The following HS3ST4 variants were observed in gnomAD, a reference collection of about 807,000 sequenced individuals.
The protein encoded by HS3ST4 is heparan sulfate-glucosamine 3-sulfotransferase 4.
A neutral mutation model predicts 29.2 loss-of-function variants in HS3ST4; 17 were observed. The observed-to-expected ratio is 0.58, with a 90% CI of 0.40 to 0.87. The LOEUF is 0.87. HS3ST4 is among the 40% of genes least tolerant of loss of function. The pLI is 0.00. For missense variants in HS3ST4, 627 were observed against 634.5 expected (o/e 0.99, Z 0.13); for synonymous variants, 314 against 285.7 (o/e 1.10, Z -1.00).
At chr16:26,015,869 AC>A (rs1969357958) in intron 1 of HS3ST4, among the ~76,000 whole-genome samples, 1 of 152,132 alleles carries the variant, frequency 6.6e-6, no homozygotes, top group African/African-American at 2.4e-5. Flanking sequence ...ATACTTTTTA[AC>A]TAGGAGTGAT....
chr16:25,926,970 G>C (rs1968410041), intron 1 of HS3ST4, among the ~76,000 whole-genome samples: 1 of 152,132 alleles, frequency 6.6e-6, no homozygotes, highest in South Asian at 2.1e-4. Context: ...TTAAGGTCAG[G>C]AGAATTGCTT....
rs577912208 is a variant in HS3ST4 at position 25,914,226 on chromosome 16, G to A, written c.734+221075G>A. ...TGTGTGTAGGGTGTGGTGTGTGTAA[G>A]GGGTATGTAAGTGATGTGGTATATG... On this transcript the variant is annotated intron_variant, in intron 1 of 1. Coordinates refer to ENST00000331351, the MANE Select transcript of HS3ST4 (RefSeq NM_006040.3). 6.0e-5 allele frequency among the ~76,000 whole-genome samples: 9 copies of A among 149,312 alleles called. No homozygotes were observed. The East Asian group carries it at 1.0e-3, about 17-fold the overall frequency.
At chr16:25,879,444 A>G (rs1042273676) in intron 1 of HS3ST4, among the ~76,000 whole-genome samples, 1 of 152,124 alleles carries the variant, frequency 6.6e-6, no homozygotes, top group Non-Finnish European at 1.5e-5. Flanking sequence ...AGAAGGTGAA[A>G]GGCACGTCTC....
intron 1 of HS3ST4, among the ~76,000 whole-genome samples, chr16:25,893,493 CA>C (rs1968030780): frequency 6.6e-6 from 1 of 152,200 alleles, no homozygotes; most frequent in Non-Finnish European, 1.5e-5. Context: ...CCTTGTGTCA[CA>C]TGCAAATTCA....
chr16:26,088,474 G>A (rs4332750), intron 1 of HS3ST4, among the ~76,000 whole-genome samples: 81,177 of 151,978 alleles, frequency 0.53, 22,494 homozygotes, highest in African/African-American at 0.67. Flanking sequence ...TTGTGGTAAT[G>A]TATAGTTGGT....
intron 1 of HS3ST4, among the ~76,000 whole-genome samples, chr16:25,726,821 G>C (rs992920722): frequency 4.6e-5 from 7 of 152,172 alleles, no homozygotes; most frequent in African/African-American, 1.7e-4. Flanking sequence ...CATGCAACGT[G>C]CTCTGTAGGT....
chr16:26,119,968 G>A (rs949749768), intron 1 of HS3ST4, among the ~76,000 whole-genome samples: 1 of 152,102 alleles, frequency 6.6e-6, no homozygotes, highest in Non-Finnish European at 1.5e-5. Context: ...GGGTTCTTGG[G>A]GTGGGGGATT....
intron 1 of HS3ST4, among the ~76,000 whole-genome samples, chr16:25,916,722 C>A (rs1968297143): frequency 6.7e-6 from 1 of 148,906 alleles, no homozygotes. Context: ...CGCTGTCCCC[C>A]AGGCTGGAGT....
intron 1 of HS3ST4, among the ~76,000 whole-genome samples, chr16:25,942,050 A>G (rs1968577445): frequency 1.3e-5 from 2 of 152,188 alleles, no homozygotes; most frequent in Non-Finnish European, 2.9e-5. Flanking sequence ...GAATTAGCTC[A>G]TTTAATGTAG....
At chr16:25,839,907 A>G (rs912659899) in intron 1 of HS3ST4, among the ~76,000 whole-genome samples, 1 of 152,214 alleles carries the variant, frequency 6.6e-6, no homozygotes, top group Non-Finnish European at 1.5e-5. Context: ...CTTTGCTGAA[A>G]AAAGGTTAAC....
At chr16:25,928,025 C>T (rs1482520645) in intron 1 of HS3ST4, among the ~76,000 whole-genome samples, 1 of 139,372 alleles carries the variant, frequency 7.2e-6, no homozygotes, top group African/African-American at 2.8e-5. Flanking sequence ...GTGGAGATAC[C>T]CCATCTCGAC....
At chr16:25,774,771 G>T (rs1324359846) in intron 1 of HS3ST4, among the ~76,000 whole-genome samples, 3 of 152,192 alleles carry the variant, frequency 2.0e-5, no homozygotes, top group Non-Finnish European at 4.4e-5. Flanking sequence ...GTACCTACAT[G>T]ATCTATTAGT....
chr16:25,787,703 T>C (rs1966859672), intron 1 of HS3ST4, among the ~76,000 whole-genome samples: 1 of 152,160 alleles, frequency 6.6e-6, no homozygotes, highest in Admixed American at 6.5e-5. Context: ...GGTGGAAGTA[T>C]CGCTTGAGCT....
intron 1 of HS3ST4, among the ~76,000 whole-genome samples, chr16:25,849,546 C>G (rs993007724): frequency 1.3e-5 from 2 of 152,148 alleles, no homozygotes; most frequent in African/African-American, 4.8e-5. Flanking sequence ...ATCACCTAGG[C>G]TAGTCACCTA....
At chr16:25,694,829 G>A (rs1966282096) in intron 1 of HS3ST4, among the ~76,000 whole-genome samples, 1 of 151,912 alleles carries the variant, frequency 6.6e-6, no homozygotes, top group South Asian at 2.1e-4. Flanking sequence ...CCTTCAGGGA[G>A]GCAGAAAGAT....
chr16:25,757,924 G>A lies in HS3ST4; in HGVS notation c.734+64773G>A, dbSNP rs116824972. ...TTTAGAATTTATGTTCCTGGGTTGGGCCTTTGAATGGAAGGTAACTTTAGT... is the reference window on the plus strand; with the variant it reads ...TTTAGAATTTATGTTCCTGGGTTGGACCTTTGAATGGAAGGTAACTTTAGT... On this transcript the variant is annotated intron_variant, in intron 1 of 1. Transcript: ENST00000331351. Among the ~76,000 whole-genome samples, 715 of 152,150 alleles carry A rather than the reference G, an allele frequency of 4.7e-3. 2 individuals carry two copies. Among genetic ancestry groups the A allele is most frequent in the African/African-American group, 0.016 (667 of 41,520 alleles).
intron 1 of HS3ST4, among the ~76,000 whole-genome samples, chr16:26,064,795 T>C (rs954278628): frequency 2.6e-5 from 4 of 152,048 alleles, no homozygotes; most frequent in Non-Finnish European, 5.9e-5. Flanking sequence ...TTTTGTATTT[T>C]TCTTGGAGAC....
chr16:25,808,828 C>A (rs779632194), intron 1 of HS3ST4, among the ~76,000 whole-genome samples: 15 of 136,034 alleles, frequency 1.1e-4, no homozygotes, highest in African/African-American at 1.5e-4. Context: ...AGATACTATA[C>A]CTATTAAGCT....
chr16:26,010,403 G>A (rs1037032747), intron 1 of HS3ST4, among the ~76,000 whole-genome samples: 5 of 151,596 alleles, frequency 3.3e-5, no homozygotes, highest in Non-Finnish European at 7.4e-5. Flanking sequence ...ACGGTGAGCC[G>A]AGATCACGCC....
Sources: gnomAD v4.1 joint callset for allele counts (sites outside exome capture counted in the v4.1 genomes callset) on GRCh38, gnomAD v4.1.1 for gene constraint, MANE v1.5 for transcripts, NCBI Gene and HGNC (gene_info 2026-07-23, HGNC 2026-07-21) for gene names.